PRKG1: variants seen among roughly 807,000 people sequenced by gnomAD.
The protein encoded by PRKG1 is protein kinase cGMP-dependent 1.
In PRKG1, 35 loss-of-function variants were observed where a neutral mutation model predicts 88.1. That is an observed-to-expected ratio of 0.40 (90% CI 0.30 to 0.53). The LOEUF (loss-of-function observed/expected upper bound fraction) is 0.53, where lower values mean the gene tolerates loss of function less well. Among genes scored for constraint, PRKG1 ranks in the 20% least tolerant of loss-of-function variants. PRKG1 has a pLI of 0.59. For missense variants in PRKG1, 540 were observed against 839.8 expected, an observed-to-expected ratio of 0.64 and a Z score of 4.41; for synonymous variants, 303 against 292.5, an observed-to-expected ratio of 1.04 and a Z score of -0.37.
At chr10:51,282,314 G>A (rs1002258942) in intron 2 of PRKG1, among the ~76,000 whole-genome samples, 4 of 152,058 alleles carry the variant, frequency 2.6e-5, no homozygotes, top group African/African-American at 9.7e-5. Flanking sequence ...CATCTAGAAG[G>A]CTCTTAGCTA....
chr10:52,177,616 G>A (rs1210928821), intron 9 of PRKG1, among the ~76,000 whole-genome samples: 2 of 151,988 alleles, frequency 1.3e-5, no homozygotes, highest in African/African-American at 4.8e-5. Context: ...CAGTGATAAA[G>A]CCCTCTTGTC....
chr10:51,362,637 T>C (rs1020939952), intron 2 of PRKG1, among the ~76,000 whole-genome samples: 2 of 151,902 alleles, frequency 1.3e-5, no homozygotes, highest in African/African-American at 4.8e-5. Context: ...TTTTTTTATT[T>C]ATTTATTATA....
In PRKG1 at chr10:51,523,416, T is replaced by A. The variant is rs575663779; in HGVS notation, c.592+55580T>A. 2.0e-5 allele frequency among the ~76,000 whole-genome samples: 3 copies of A among 152,332 alleles called. No individual in the cohort carries two copies. The South Asian group carries it at 6.2e-4, about 32-fold the overall frequency. On this transcript the variant is annotated intron_variant, in intron 3 of 17. Transcript: ENST00000373980. Reference sequence around the variant, plus strand: ...GCAGTCCTCCAATACATTATCTCATTGAACATACAGCAAATTTGTTAAGTT... The same window carrying A: ...GCAGTCCTCCAATACATTATCTCATAGAACATACAGCAAATTTGTTAAGTT...
rs1171722167 is a variant in PRKG1, at chr10:50,991,602, A to G, written c.224A>G (p.His75Arg). ...GAGCCGCAGACGTACAGGTCCTTCCACGACCTCCGACAGGCATTCCGGAAG... is the reference window on the plus strand; with the variant it reads ...GAGCCGCAGACGTACAGGTCCTTCCGCGACCTCCGACAGGCATTCCGGAAG... Residue 75 changes from histidine (H) to arginine (R), a missense_variant, in exon 1 of 18, where the codon CAC becomes CGC. Physicochemically the swap from His to Arg is conservative, Grantham distance 29. Transcript: ENST00000401604. This position sits in a 1 kb window ranked among gnomAD's most constrained non-coding sequence, Gnocchi z 4.5. The G allele has an allele frequency of 1.9e-6, 3 of 1,572,378 alleles. No homozygotes were observed. The highest frequency in any genetic ancestry group is 1.4e-5 in the African/African-American group (1 of 72,644).
rs117043443 is a variant in PRKG1 at position 51,470,548 on chromosome 10, A to G, written c.592+2712A>G. Reference sequence around the variant, plus strand: ...TGAAAGTTATCTGGCATCTTAATGCATTTTTATTTTCACAGTGGTAACTAA... The same window carrying G: ...TGAAAGTTATCTGGCATCTTAATGCGTTTTTATTTTCACAGTGGTAACTAA... On this transcript the variant is annotated intron_variant, in intron 3 of 17. Coordinates refer to ENST00000373980, the MANE Select transcript of PRKG1 (RefSeq NM_006258.4). 4.5e-3 allele frequency among the ~76,000 whole-genome samples: 691 copies of G among 151,922 alleles called. 2 individuals are homozygous for G. Among genetic ancestry groups the G allele is most frequent in the Non-Finnish European group, 7.9e-3 (536 of 67,838 alleles).
At chr10:51,284,877 TTTTTTTTTTTAAGCTATTC>T (rs1840396819) in intron 2 of PRKG1, among the ~76,000 whole-genome samples, 1 of 148,684 alleles carries the variant, frequency 6.7e-6, no homozygotes, top group Non-Finnish European at 1.5e-5. Context: ...TTTTTTTTTT[TTTTTTTTTTTAAGCTATTC>T]TTTTTTTTTT....
chr10:51,213,394 C>T lies in PRKG1; in HGVS notation c.478+60064C>T, dbSNP rs141038757. 1.7e-3 allele frequency among the ~76,000 whole-genome samples: 253 copies of T among 152,128 alleles called. 1 individual carries two copies. The highest frequency in any genetic ancestry group is 5.3e-3 in the African/African-American group (218 of 41,476). On this transcript the variant is annotated intron_variant, in intron 2 of 17. Coordinates refer to ENST00000373980, the MANE Select transcript of PRKG1 (RefSeq NM_006258.4). ...TGACCAGTTAATGGGTGCAGCACAC[C>T]GACATGGCACATGTATACATATGTA...
chr10:51,270,652 C>G (rs1214468784), intron 2 of PRKG1, among the ~76,000 whole-genome samples: 1 of 148,196 alleles, frequency 6.7e-6, no homozygotes, highest in African/African-American at 2.5e-5. Flanking sequence ...GTATGCTTTT[C>G]TCTCAGAAAA....
chr10:51,859,678 C>A (rs1332447063), intron 4 of PRKG1, among the ~76,000 whole-genome samples: 1 of 152,062 alleles, frequency 6.6e-6, no homozygotes, highest in African/African-American at 2.4e-5. Flanking sequence ...TTCTTACCAC[C>A]CTACTCCCCA....
chr10:52,095,893 T>TA (rs1847160645), intron 7 of PRKG1, among the ~76,000 whole-genome samples: 1 of 152,190 alleles, frequency 6.6e-6, no homozygotes, highest in Non-Finnish European at 1.5e-5. Context: ...ACGTTAGTGA[T>TA]ATGTTAGCCT....
intron 7 of PRKG1, among the ~76,000 whole-genome samples, chr10:52,116,681 T>C (rs1847695200): frequency 6.6e-6 from 1 of 152,156 alleles, no homozygotes; most frequent in African/African-American, 2.4e-5. Context: ...CAAGAATCTA[T>C]TGGGATTAGA....
At chr10:52,072,370 G>T (rs1374441123) in intron 7 of PRKG1, among the ~76,000 whole-genome samples, 2 of 151,926 alleles carry the variant, frequency 1.3e-5, no homozygotes, top group Non-Finnish European at 2.9e-5. Context: ...ACAAAAAGAT[G>T]CTGTCCTCTC....
chr10:51,833,650 A>T (rs966157053), intron 4 of PRKG1, among the ~76,000 whole-genome samples: 2 of 152,190 alleles, frequency 1.3e-5, no homozygotes, highest in Non-Finnish European at 2.9e-5. Context: ...CCAAATCAGG[A>T]CAATTAGCCT....
intron 5 of PRKG1, among the ~76,000 whole-genome samples, chr10:51,994,744 C>T (rs1023404433): frequency 6.6e-6 from 1 of 152,140 alleles, no homozygotes; most frequent in African/African-American, 2.4e-5. Context: ...ATATTTGAAA[C>T]ATGCCTGCTG....
intron 2 of PRKG1, among the ~76,000 whole-genome samples, chr10:51,248,949 A>G (rs1839360153): frequency 6.6e-6 from 1 of 151,846 alleles, no homozygotes; most frequent in Non-Finnish European, 1.5e-5. Flanking sequence ...TTGGTGATTG[A>G]GTAATCAAGA....
intron 3 of PRKG1, among the ~76,000 whole-genome samples, chr10:51,751,575 G>A (rs1384096540): frequency 6.6e-6 from 1 of 152,038 alleles, no homozygotes; most frequent in Non-Finnish European, 1.5e-5. Context: ...TATGGCAGAA[G>A]TATATTTTAT....
At chr10:51,287,657 G>A (rs1302051412) in intron 2 of PRKG1, among the ~76,000 whole-genome samples, 1 of 152,202 alleles carries the variant, frequency 6.6e-6, no homozygotes, top group Non-Finnish European at 1.5e-5. Context: ...AGAGAAGGTG[G>A]TCAGGGAAAG....
intron 8 of PRKG1, among the ~76,000 whole-genome samples, 163 bp downstream of exon 8, chr10:52,134,068 G>T (rs1285751004): frequency 6.6e-6 from 1 of 152,058 alleles, no homozygotes; most frequent in Non-Finnish European, 1.5e-5. Context: ...CTTAAAAGTG[G>T]CTGGCTCTGC....
chr10:51,053,517 GTATAC>G (rs1448742801), intron 1 of PRKG1, among the ~76,000 whole-genome samples: 1 of 152,074 alleles, frequency 6.6e-6, no homozygotes, highest in African/African-American at 2.4e-5. Context: ...GTCCTCAGAG[GTATAC>G]ATGCATCACC....
Sources: gnomAD v4.1 joint callset for allele counts (sites outside exome capture counted in the v4.1 genomes callset) on GRCh38, gnomAD v4.1.1 for gene constraint, Gnocchi (gnomAD v3.1) non-coding constraint, MANE v1.5 for transcripts, NCBI Gene and HGNC (gene_info 2026-07-23, HGNC 2026-07-21) for gene names.